Variants in PTPRB observed in about 807,000 individuals in gnomAD.
The protein encoded by PTPRB is receptor-type tyrosine-protein phosphatase beta.
A neutral mutation model predicts 238.1 loss-of-function variants in PTPRB; 97 were observed. The observed-to-expected ratio is 0.41, with a 90% CI of 0.35 to 0.48. The LOEUF (loss-of-function observed/expected upper bound fraction) is 0.48, where lower values mean the gene tolerates loss of function less well. Ranked by LOEUF, PTPRB falls within the 20% of genes least tolerant of loss-of-function variation. The pLI is 0.30. For missense variants in PTPRB, 2,292 were observed against 2,681.9 expected (o/e 0.85, Z 3.21); for synonymous variants, 970 against 995.4 (o/e 0.97, Z 0.48).
Position 70,556,063 on chromosome 12 carries a change from A to G in PTPRB, c.4800T>C (p.Phe1600=). The change falls in exon 19 of 34, where the codon TTT becomes TTC. Residue 1600 remains phenylalanine (F), a synonymous_variant. Coordinates refer to ENST00000334414, the MANE Select transcript of PTPRB (RefSeq NM_001109754.4). Reference sequence around the variant, plus strand: ...TCCGGCATTCAATACTATAACCATCAAAGTCAGAATCAGGAGGGATCCAAG... The same window carrying G: ...TCCGGCATTCAATACTATAACCATCGAAGTCAGAATCAGGAGGGATCCAAG... The part of the protein sequence containing the change: ...ACSWIPPDSD[F]DGYSIECRKM... 1 of 1,613,902 alleles carries G rather than the reference A, an allele frequency of 6.2e-7. No individual in the cohort carries two copies. The highest frequency in any genetic ancestry group is 8.5e-7 in the Non-Finnish European group (1 of 1,179,820).
chr12:70,562,312 G>C (rs532861693), intron 16 of PTPRB, among the ~76,000 whole-genome samples: 1 of 152,158 alleles, frequency 6.6e-6, no homozygotes, highest in East Asian at 1.9e-4. Context: ...TTGAACAGGA[G>C]ATAAAGGACT....
chr12:70,531,937 T>C (rs1162436759), intron 32 of PTPRB, 98 bp downstream of exon 32: 4 of 1,380,748 alleles, frequency 2.9e-6, no homozygotes, highest in South Asian at 2.5e-5. Context: ...TAATGTGTCA[T>C]AGTTATTTCC....
rs1488063608 is a variant in PTPRB, at chr12:70,535,932, G to A, written c.6081+93C>T. On this transcript the variant is annotated intron_variant, in intron 29 of 33. Transcript: ENST00000334414. ...AACAATGCTCTCACATGATCCCTACGTTGTTTTGCGGGGTTTCACTTTGAT... is the reference window on the plus strand; with the variant it reads ...AACAATGCTCTCACATGATCCCTACATTGTTTTGCGGGGTTTCACTTTGAT... The A allele has an allele frequency of 1.9e-5, 28 of 1,494,280 alleles. No individual in the cohort carries two copies. In the East Asian group the frequency reaches 3.4e-4, roughly 18 times the overall value. The allele number at this position is 1,494,280 out of a possible 1,614,324, so 92.6% of individuals were successfully genotyped here. A position where few individuals can be genotyped will look rare whatever the true frequency, so the allele number is the denominator to read the frequency against.
chr12:70,529,759 G>GA (rs1271560829), intron 32 of PTPRB, among the ~76,000 whole-genome samples: 1 of 152,178 alleles, frequency 6.6e-6, no homozygotes, highest in East Asian at 1.9e-4. Context: ...GTGAAGGGTT[G>GA]ATGGGGATAA....
chr12:70,534,500 A>G lies in PTPRB; in HGVS notation c.6356T>C (p.Val2119Ala), dbSNP rs563881946. 6.2e-7 allele frequency: 1 copy of G among 1,612,446 alleles called. No individual in the cohort carries two copies. The highest frequency in any genetic ancestry group is 2.2e-5 in the East Asian group (1 of 44,852). The change falls in exon 31 of 34, where the codon GTG becomes GCG. Residue 2119 changes from valine (V) to alanine (A), a missense_variant. Physicochemically the swap from Val to Ala is moderately conservative, Grantham distance 64 (BLOSUM62 0). Around this residue, in one of 4 missense-constraint regions of PTPRB, gnomAD observed 397 missense variants for 502.0 expected, o/e 0.79. Transcript: ENST00000334414. ...INRSPGAGPT[V>A]VHCSAGVGRT... ...GGTTTCCTAGTACCTGCAGTGCACC[A>G]CAGTGGGCCCAGCACCCGGGCTTCT...
intron 4 of PTPRB, among the ~76,000 whole-genome samples, chr12:70,605,305 A>T (rs551315114): frequency 9.8e-5 from 15 of 152,302 alleles, no homozygotes; most frequent in African/African-American, 3.4e-4. Flanking sequence ...CTAAAATATT[A>T]ATTTCATTCA....
chr12:70,547,323 C>T (rs1039216228), intron 21 of PTPRB, among the ~76,000 whole-genome samples: 1 of 152,132 alleles, frequency 6.6e-6, no homozygotes, highest in African/African-American at 2.4e-5. Context: ...GTAGTCACCA[C>T]ACATTAAAGG....
rs1877908387 is a variant in PTPRB at position 70,557,729 on chromosome 12, CA to C, written c.4715-1582del. Among the ~76,000 whole-genome samples the C allele has an allele frequency of 3.3e-5, 5 of 152,250 alleles. No homozygotes were observed. In the South Asian group the frequency reaches 1.0e-3, roughly 31 times the overall value. ...CTTACCAAGAGATGGAGAGCCTACA[CA>C]CCCTGTGCTGGGCTCATTGCCTTGT... is the stretch of plus-strand genomic sequence containing the variant. On this transcript the variant is annotated intron_variant, in intron 18 of 33. Transcript: ENST00000334414.
intron 2 of PTPRB, among the ~76,000 whole-genome samples, chr12:70,625,346 T>C (rs2136588610): frequency 6.6e-6 from 1 of 152,294 alleles, no homozygotes; most frequent in Non-Finnish European, 1.5e-5. Context: ...AAACTGCGAT[T>C]TAGCAGACTT....
At chr12:70,617,521 C>T (rs1323863766) in intron 3 of PTPRB, among the ~76,000 whole-genome samples, 2 of 152,178 alleles carry the variant, frequency 1.3e-5, no homozygotes, top group Admixed American at 6.5e-5. Flanking sequence ...GCCCTCCTCC[C>T]TCCAGGCATT....
chr12:70,531,461 C>T (rs1873231581), intron 32 of PTPRB, among the ~76,000 whole-genome samples: 1 of 152,080 alleles, frequency 6.6e-6, no homozygotes, highest in Non-Finnish European at 1.5e-5. Flanking sequence ...GGCTAGTACG[C>T]TTATAGCACA....
chr12:70,578,400 A>G (rs1881018906), intron 10 of PTPRB, among the ~76,000 whole-genome samples: 1 of 150,786 alleles, frequency 6.6e-6, no homozygotes, highest in Non-Finnish European at 1.5e-5. Flanking sequence ...GCACCTTTCA[A>G]AATCCCTATT....
In PTPRB at chr12:70,592,290, C is replaced by A. The variant is rs1393465388; in HGVS notation, c.1772G>T (p.Gly591Val). ...TGGAGCCCAAGACTCACATGTTCTG[C>A]CCACTGCCATCTTCTGAGCAGACAG... ...GELSAQKMAV[G>V]RTFPDKVANL... Residue 591 changes from glycine to valine, a missense_variant, in exon 7 of 34, where the codon GGC becomes GTC. By Grantham distance (109) the Gly-to-Val change is moderately radical. Coordinates refer to ENST00000334414, the MANE Select transcript of PTPRB (RefSeq NM_001109754.4). The A allele has an allele frequency of 6.2e-7, 1 of 1,613,866 alleles. No homozygotes were observed. The highest frequency in any genetic ancestry group is 1.3e-5 in the African/African-American group (1 of 74,922).
At chr12:70,544,497 T>G in intron 22 of PTPRB, 60 bp downstream of exon 22, 3 of 1,116,896 alleles carry the variant, frequency 2.7e-6, no homozygotes, top group East Asian at 2.4e-5. Flanking sequence ...TATCTCCCCA[T>G]TAGAGGCTCT....
intron 4 of PTPRB, among the ~76,000 whole-genome samples, chr12:70,605,836 C>A (rs1018937437): frequency 3.9e-5 from 6 of 152,124 alleles, no homozygotes; most frequent in African/African-American, 1.4e-4. Context: ...TCTCTAGAGG[C>A]TACCAGTTTG....
Position 70,551,219 on chromosome 12 carries a change from C to T in PTPRB, c.5387+1558G>A, listed in dbSNP as rs1323399868. ...CCGCATCTCTTGATTCTTACAGGAA[C>T]TGATAAATCCTGGTTTTCTGATCTT... On this transcript the variant is annotated intron_variant, in intron 21 of 33. Coordinates refer to ENST00000334414, the MANE Select transcript of PTPRB (RefSeq NM_001109754.4). Among the ~76,000 whole-genome samples, 5 of 152,288 alleles carry T rather than the reference C, an allele frequency of 3.3e-5. No individual in the cohort carries two copies. The East Asian group carries it at 7.7e-4, about 24-fold the overall frequency.
Position 70,559,491 on chromosome 12 carries a change from A to G in PTPRB, c.4566T>C (p.Thr1522=), listed in dbSNP as rs771512974. Residue 1522 remains threonine, a synonymous_variant, in exon 18 of 34, where the codon ACT becomes ACC. Coordinates refer to ENST00000334414, the MANE Select transcript of PTPRB (RefSeq NM_001109754.4). ...TTCTGTTGTTGTAGGGGTTGAAGAC[A>G]GTAAGTGCATCTCTGGGCAACCACT... ...ELQWLPRDAL[T]VFNPYNNRKS... 5.6e-6 allele frequency: 9 copies of G among 1,614,034 alleles called. No individual in the cohort carries two copies. The South Asian group carries it at 7.7e-5, about 14-fold the overall frequency.
intron 8 of PTPRB, among the ~76,000 whole-genome samples, chr12:70,587,591 A>G (rs186582140): frequency 2.6e-5 from 4 of 152,230 alleles, no homozygotes; most frequent in African/African-American, 9.6e-5. Flanking sequence ...TCACAAAGAA[A>G]AGTTCCTGTT....
rs769931966 is a variant in PTPRB, at chr12:70,609,290, T to C, written c.758A>G (p.Lys253Arg). 2 of 1,613,944 alleles carry C rather than the reference T, an allele frequency of 1.2e-6. No individual in the cohort carries two copies. ...GATAGACACAGAATGGCTGGAGGCC[T>C]TGGACTCCGCCAGGGTGAAGTTACA... ...ERCNFTLAES[K>R]ASSHSVSIQW... Residue 253 changes from lysine to arginine, a missense_variant, in exon 4 of 34, where the codon AAG (lysine) becomes AGG (arginine). By Grantham distance (26) the Lys-to-Arg change is conservative. Around this residue, in one of 4 missense-constraint regions of PTPRB, gnomAD observed 1,205 missense variants for 1,287.8 expected, o/e 0.94. Coordinates refer to ENST00000334414, the MANE Select transcript of PTPRB (RefSeq NM_001109754.4).
Sources: gnomAD v4.1 joint callset for allele counts (sites outside exome capture counted in the v4.1 genomes callset) on GRCh38, gnomAD v4.1.1 for gene constraint, gnomAD v4.1.1 regional missense constraint, MANE v1.5 for transcripts, NCBI Gene and HGNC (gene_info 2026-07-23, HGNC 2026-07-21) for gene names.